Variants in BEND7 observed in about 807,000 individuals in gnomAD.
BEND7 encodes the protein BEN domain containing 7.
In BEND7, 28 loss-of-function variants were observed where a neutral mutation model predicts 50.9. That is an observed-to-expected ratio of 0.55 (90% CI 0.41 to 0.75). BEND7 has a LOEUF of 0.75. Ranked by LOEUF, BEND7 falls within the 30% of genes least tolerant of loss-of-function variation. The pLI is 0.00. For synonymous variants in BEND7, 170 were observed against 183.9 expected, an observed-to-expected ratio of 0.92 and a Z score of 0.61; for missense variants, 477 against 491.3, an observed-to-expected ratio of 0.97 and a Z score of 0.28.
intron 2 of BEND7, among the ~76,000 whole-genome samples, chr10:13,502,016 C>T (rs2077508636): frequency 6.6e-6 from 1 of 151,884 alleles, no homozygotes; most frequent in Non-Finnish European, 1.5e-5. Flanking sequence ...ATAATGATTG[C>T]ACTTAGGATC....
intron 2 of BEND7, among the ~76,000 whole-genome samples, chr10:13,516,637 A>T (rs772598478): frequency 1.4e-4 from 21 of 152,150 alleles, no homozygotes; most frequent in Non-Finnish European, 3.1e-4. Flanking sequence ...GAGGCAGGAG[A>T]ATCGCTTGAA....
upstream of BEND7, among the ~76,000 whole-genome samples, chr10:13,529,162 C>G (rs2079582052): frequency 6.9e-6 from 1 of 144,680 alleles, no homozygotes; most frequent in Non-Finnish European, 1.5e-5. Context: ...GGCCGCGCGG[C>G]GCCCCGAGGA....
chr10:13,464,048 A>C (rs2073980668), intron 6 of BEND7, among the ~76,000 whole-genome samples: 1 of 152,250 alleles, frequency 6.6e-6, no homozygotes, highest in Non-Finnish European at 1.5e-5. Context: ...GAATGCGGGA[A>C]AGTGGGATTT....
Position 13,494,723 on chromosome 10 carries a change from G to A in BEND7, c.572-1847C>T, listed in dbSNP as rs564457032. Among the ~76,000 whole-genome samples, 88 of 152,298 alleles carry A rather than the reference G, an allele frequency of 5.8e-4. No individual in the cohort carries two copies. The South Asian group carries it at 8.3e-3, about 14-fold the overall frequency. On this transcript the variant is annotated intron_variant, in intron 4 of 8. Transcript: ENST00000466271. Reference sequence around the variant, plus strand: ...GAAAATGTTTTGGTTTAAGGAACACGGGGACTATCTGAGTTTTTCTTCTCC... The same window carrying A: ...GAAAATGTTTTGGTTTAAGGAACACAGGGACTATCTGAGTTTTTCTTCTCC...
intron 2 of BEND7, among the ~76,000 whole-genome samples, chr10:13,521,877 T>A (rs559113219): frequency 6.6e-6 from 1 of 152,308 alleles, no homozygotes; most frequent in East Asian, 1.9e-4. Flanking sequence ...GAGATAACTC[T>A]CTAACTTGTA....
chr10:13,478,252 G>C (rs2075600751), intron 6 of BEND7, among the ~76,000 whole-genome samples: 1 of 152,186 alleles, frequency 6.6e-6, no homozygotes, highest in African/African-American at 2.4e-5. Context: ...CACTTCCAGG[G>C]AGGGAGTTCA....
At chr10:13,520,546 G>C (rs1589066411) in intron 2 of BEND7, among the ~76,000 whole-genome samples, 1 of 152,118 alleles carries the variant, frequency 6.6e-6, no homozygotes, top group Non-Finnish European at 1.5e-5. Flanking sequence ...GAGAGGGTGA[G>C]AAGTTACGTA....
chr10:13,490,007 T>C (rs1008092830), intron 5 of BEND7, among the ~76,000 whole-genome samples: 3 of 152,238 alleles, frequency 2.0e-5, no homozygotes, highest in Admixed American at 6.5e-5. Flanking sequence ...CTGCCATTTT[T>C]GACATTTTGG....
intron 2 of BEND7, among the ~76,000 whole-genome samples, chr10:13,508,764 GA>G (rs546097996): frequency 2.0e-5 from 3 of 150,352 alleles, no homozygotes; most frequent in Non-Finnish European, 3.0e-5. Context: ...CAATGTGACC[GA>G]AAAAAAAATG....
At chr10:13,505,580 A>G (rs2077818597) in intron 2 of BEND7, among the ~76,000 whole-genome samples, 1 of 152,008 alleles carries the variant, frequency 6.6e-6, no homozygotes, top group Admixed American at 6.6e-5. Context: ...TTAAACTCTC[A>G]CACTGTGCTT....
chr10:13,488,086 CA>C (rs753018197), intron 5 of BEND7, among the ~76,000 whole-genome samples: 1,516 of 68,542 alleles, frequency 0.022, 7 homozygotes, highest in Non-Finnish European at 0.038. Flanking sequence ...GTCTCAATTA[CA>C]AAAAAAAAAA....
At position 13,455,183 on chromosome 10, in the gene BEND7, CAACAAAACAA is replaced by C. The variant is rs373207955; in HGVS notation, c.1064-2535_1064-2526del. On this transcript the variant is annotated intron_variant, in intron 6 of 8. Coordinates refer to ENST00000466271, the MANE Select transcript of BEND7 (RefSeq NM_001369863.1). ...CAAGACTCTGACTCAAACAAACACA[CAACAAAACAA>C]AACAAAACAAAACAGTGAGAGAGAG... 9.2e-3 allele frequency among the ~76,000 whole-genome samples: 1,402 copies of C among 151,982 alleles called. 5 individuals carry two copies. Among genetic ancestry groups the C allele is most frequent in the Non-Finnish European group, 0.015 (1,029 of 67,936 alleles).
chr10:13,499,203 G>A (rs2077257657), intron 3 of BEND7, among the ~76,000 whole-genome samples: 1 of 152,070 alleles, frequency 6.6e-6, no homozygotes, highest in Non-Finnish European at 1.5e-5. Context: ...TTAACAATTA[G>A]GAAACTTAAA....
At chr10:13,465,555 C>A (rs2074158261) in intron 6 of BEND7, among the ~76,000 whole-genome samples, 1 of 152,124 alleles carries the variant, frequency 6.6e-6, no homozygotes, top group Non-Finnish European at 1.5e-5. Flanking sequence ...CCCTAGATAT[C>A]CATAAAACTG....
intron 2 of BEND7, among the ~76,000 whole-genome samples, chr10:13,517,827 C>T (rs1300056633): frequency 1.3e-5 from 2 of 152,206 alleles, no homozygotes; most frequent in East Asian, 1.9e-4. Flanking sequence ...CCGTGTGGAT[C>T]GCAATGGCTG....
intron 5 of BEND7, among the ~76,000 whole-genome samples, chr10:13,481,611 C>A (rs969623996): frequency 9.9e-5 from 15 of 152,222 alleles, no homozygotes; most frequent in Non-Finnish European, 5.9e-5. Context: ...ACCCAGAAGG[C>A]CCCTGGCTCC....
At chr10:13,499,670 G>C (rs1233887250) in intron 3 of BEND7, 108 bp downstream of exon 3, 6 of 1,283,420 alleles carry the variant, frequency 4.7e-6, no homozygotes, top group Admixed American at 4.9e-5. Context: ...AGCAAAGGCA[G>C]GTAATTATGG....
downstream of BEND7, among the ~76,000 whole-genome samples, chr10:13,440,919 T>C (rs1835235302): frequency 6.6e-6 from 1 of 152,180 alleles, no homozygotes; most frequent in Admixed American, 6.5e-5. Flanking sequence ...CCTTTCACTC[T>C]GGCAGCAATC....
intron 7 of BEND7, among the ~76,000 whole-genome samples, chr10:13,452,072 G>C (rs996597971): frequency 2.0e-5 from 3 of 152,106 alleles, no homozygotes; most frequent in Admixed American, 1.3e-4. Context: ...CCCGTGCATG[G>C]ACGTGTGAGC....
Sources: gnomAD v4.1 joint callset for allele counts (sites outside exome capture counted in the v4.1 genomes callset) on GRCh38, gnomAD v4.1.1 for gene constraint, MANE v1.5 for transcripts, NCBI Gene and HGNC (gene_info 2026-07-23, HGNC 2026-07-21) for gene names.